DTNB: variants seen among roughly 807,000 people sequenced by gnomAD.
The protein encoded by DTNB is DTN-B.
A neutral mutation model predicts 90.7 loss-of-function variants in DTNB; 63 were observed. That is an observed-to-expected ratio of 0.69 (90% CI 0.57 to 0.86). The LOEUF is 0.86. DTNB is among the 40% of genes least tolerant of loss of function. The pLI is 0.00. For missense variants in DTNB, 744 were observed against 807.1 expected (o/e 0.92, Z 0.95); for synonymous variants, 277 against 286.7 (o/e 0.97, Z 0.34).
At chr2:25,454,982 AAAGTCCCCAGATAAGACAAAGTGGGAT>A (rs2150151346) in intron 11 of DTNB, among the ~76,000 whole-genome samples, 1 of 152,332 alleles carries the variant, frequency 6.6e-6, no homozygotes, top group African/African-American at 2.4e-5. Flanking sequence ...TGACAGTATC[AAAGTCCCCAGATAAGACAAAGTGGGAT>A]ATCTGTGGGT....
intron 12 of DTNB, among the ~76,000 whole-genome samples, chr2:25,435,176 T>C (rs1037804752): frequency 5.9e-5 from 9 of 152,154 alleles, no homozygotes; most frequent in Admixed American, 1.3e-4. Context: ...TGCACCACCA[T>C]GCTCAGCTCA....
chr2:25,461,461 A>G (rs947403278), intron 10 of DTNB, among the ~76,000 whole-genome samples: 18 of 152,228 alleles, frequency 1.2e-4, no homozygotes, highest in African/African-American at 4.3e-4. Context: ...CAACATATAT[A>G]TAACCCCCAA....
chr2:25,420,517 T>C (rs577674433), intron 15 of DTNB, among the ~76,000 whole-genome samples: 2 of 88,072 alleles, frequency 2.3e-5, no homozygotes, highest in African/African-American at 6.1e-5. Context: ...TATCTATCTA[T>C]CTATCTGTCT....
At chr2:25,647,799 T>A (rs1490154893) in intron 2 of DTNB, among the ~76,000 whole-genome samples, 1 of 150,932 alleles carries the variant, frequency 6.6e-6, no homozygotes, top group Admixed American at 6.6e-5. Context: ...GAGAACTGAT[T>A]ATGAAAAATA....
chr2:25,475,461 G>A (rs2063566694), intron 10 of DTNB, among the ~76,000 whole-genome samples: 1 of 152,218 alleles, frequency 6.6e-6, no homozygotes, highest in Non-Finnish European at 1.5e-5. Flanking sequence ...TGGTTCATGA[G>A]GTTTAAGGAA....
intron 8 of DTNB, among the ~76,000 whole-genome samples, chr2:25,556,554 T>C (rs1162501871): frequency 6.6e-6 from 1 of 152,122 alleles, no homozygotes; most frequent in African/African-American, 2.4e-5. Flanking sequence ...TAGCAGGTAA[T>C]TGGGATGCAA....
At chr2:25,592,496 C>T (rs762680006) in intron 6 of DTNB, among the ~76,000 whole-genome samples, 2 of 151,810 alleles carry the variant, frequency 1.3e-5, no homozygotes, top group African/African-American at 2.4e-5. Context: ...AACTTATAAA[C>T]GCATCTAATT....
At chr2:25,405,897 A>C (rs1490917465) in intron 16 of DTNB, among the ~76,000 whole-genome samples, 1 of 152,184 alleles carries the variant, frequency 6.6e-6, no homozygotes, top group African/African-American at 2.4e-5. Flanking sequence ...GACAGGAGAC[A>C]GGGGTTCTAT....
chr2:25,622,480 ATG>A (rs1402126150), intron 4 of DTNB, among the ~76,000 whole-genome samples: 6 of 152,144 alleles, frequency 3.9e-5, no homozygotes, highest in Non-Finnish European at 7.3e-5. Context: ...AAATAAATAT[ATG>A]TATTTATTTC....
chr2:25,540,324 TAA>T (rs760226677), intron 8 of DTNB, among the ~76,000 whole-genome samples: 6 of 152,236 alleles, frequency 3.9e-5, no homozygotes, highest in Admixed American at 6.5e-5. Context: ...TGTCTTTCAA[TAA>T]AGTTTCATAT....
intron 9 of DTNB, among the ~76,000 whole-genome samples, chr2:25,519,387 T>A (rs1033015105): frequency 2.0e-5 from 3 of 149,094 alleles, no homozygotes; most frequent in African/African-American, 5.0e-5. Flanking sequence ...TTTTTTTTTT[T>A]ACTTTTGTTT....
intron 20 of DTNB, among the ~76,000 whole-genome samples, chr2:25,378,043 C>T (rs2149476879): frequency 6.6e-6 from 1 of 152,216 alleles, no homozygotes; most frequent in East Asian, 1.9e-4. Context: ...CTGCTTCTGG[C>T]ATGGAGCTTC....
chr2:25,384,981 C>T (rs914161509), intron 18 of DTNB, among the ~76,000 whole-genome samples: 6 of 151,930 alleles, frequency 3.9e-5, no homozygotes, highest in East Asian at 1.9e-4. Context: ...CAGGTTCAAG[C>T]GATTCTCCTG....
chr2:25,407,799 T>C (rs1235431693), intron 16 of DTNB, among the ~76,000 whole-genome samples: 2 of 152,002 alleles, frequency 1.3e-5, no homozygotes, highest in Non-Finnish European at 2.9e-5. Context: ...GCGTGAAGGA[T>C]AAAAAACTAC....
chr2:25,471,712 A>G (rs543799400), intron 10 of DTNB, among the ~76,000 whole-genome samples: 5 of 152,208 alleles, frequency 3.3e-5, no homozygotes, highest in Admixed American at 2.6e-4. Flanking sequence ...TGCATCAAAA[A>G]TCTTTACCAA....
intron 19 of DTNB, among the ~76,000 whole-genome samples, chr2:25,380,843 C>T (rs1431341082): frequency 6.9e-6 from 1 of 144,546 alleles, no homozygotes; most frequent in Non-Finnish European, 1.6e-5. Context: ...GACCTGGAGG[C>T]CCGGGCAAGG....
Position 25,628,294 on chromosome 2 carries a change from C to A in DTNB, c.239G>T (p.Arg80Leu), listed in dbSNP as rs201490058. ...LDHTTEISVSRLETVISSIYY... is the reference protein window; with the variant it reads ...LDHTTEISVSLLETVISSIYY... ...GATGGAGGAGATGACAGTTTCGAGG[C>A]GGGACACACTGATCTCGGTGGTATG... The change falls in exon 4 of 21, where the codon CGC becomes CTC. Residue 80 changes from arginine to leucine, a missense_variant. Arg to Leu is a moderately radical substitution (Grantham distance 102). Coordinates refer to ENST00000406818, the MANE Select transcript of DTNB (RefSeq NM_021907.5). The A allele has an allele frequency of 1.5e-5, 24 of 1,611,434 alleles. No individual in the cohort carries two copies. In the South Asian group the frequency reaches 2.2e-4, roughly 15 times the overall value.
At chr2:25,414,450 T>C (rs1157554309) in intron 16 of DTNB, among the ~76,000 whole-genome samples, 10 of 152,178 alleles carry the variant, frequency 6.6e-5, no homozygotes, top group Non-Finnish European at 1.0e-4. Flanking sequence ...GAGACAGGGT[T>C]TCACCGTGTT....
intron 12 of DTNB, 139 bp from the exon 13 acceptor site, chr2:25,434,134 C>G: frequency 1.4e-6 from 1 of 724,440 alleles, no homozygotes; most frequent in Non-Finnish European, 2.2e-6. Flanking sequence ...GTATACAATT[C>G]AATGAGTCTT....
Sources: gnomAD v4.1 joint callset for allele counts (sites outside exome capture counted in the v4.1 genomes callset) on GRCh38, gnomAD v4.1.1 for gene constraint, MANE v1.5 for transcripts, NCBI Gene and HGNC (gene_info 2026-07-23, HGNC 2026-07-21) for gene names.